The following MYH9 variants were observed in gnomAD, a reference collection of about 807,000 sequenced individuals.
The protein encoded by MYH9 is myosin-9.
MYH9 carries 29 observed loss-of-function variants against 241.9 expected under a neutral mutation model. The ratio of observed to expected loss-of-function variants is 0.12; its 90% CI spans 0.09 to 0.16. The LOEUF (loss-of-function observed/expected upper bound fraction) is 0.16. Ranked by LOEUF, MYH9 falls within the 10% of genes least tolerant of loss-of-function variation. The pLI, the probability that MYH9 is intolerant of heterozygous loss-of-function variation, is 1.00. For missense variants in MYH9, 1,803 were observed against 2,595.5 expected, an observed-to-expected ratio of 0.69 and a Z score of 6.63; for synonymous variants, 1,047 against 1,062.6, an observed-to-expected ratio of 0.99 and a Z score of 0.29.
At chr22:36,313,281 C>A (rs894486409) in intron 13 of MYH9, among the ~76,000 whole-genome samples, 11 of 151,198 alleles carry the variant, frequency 7.3e-5, no homozygotes, top group African/African-American at 2.7e-4. Flanking sequence ...GAAACTCCGC[C>A]TCCACTAAAA....
At chr22:36,314,345 G>C (rs2017115748) in intron 12 of MYH9, 27 bp from the exon 13 acceptor site, 1 of 1,613,338 alleles carries the variant, frequency 6.2e-7, no homozygotes, top group Middle Eastern at 1.8e-4. Flanking sequence ...CAATGTCAGA[G>C]AGACGCCAAC....
intron 30 of MYH9, 136 bp from the exon 31 acceptor site, chr22:36,292,370 C>T: frequency 8.6e-7 from 1 of 1,158,658 alleles, no homozygotes; most frequent in Non-Finnish European, 1.3e-6. Context: ...ATGAAACCGC[C>T]TCCCCCAGTC....
chr22:36,350,176 C>A (rs2017743514), intron 1 of MYH9, among the ~76,000 whole-genome samples: 1 of 152,212 alleles, frequency 6.6e-6, no homozygotes, highest in Admixed American at 6.5e-5. Flanking sequence ...GTGACCCTCA[C>A]AATTCATGAG....
intron 6 of MYH9, 74 bp downstream of exon 6, chr22:36,322,355 G>A: frequency 6.6e-7 from 1 of 1,522,212 alleles, no homozygotes. Context: ...GGGCACCCAG[G>A]AAAAGGCAGC....
Position 36,322,486 on chromosome 22 carries a change from G to A in MYH9, c.648C>T (p.Pro216=), listed in dbSNP as rs1469344989. 3 of 1,613,676 alleles carry A rather than the reference G, an allele frequency of 1.9e-6. No homozygotes were observed. The highest frequency in any genetic ancestry group is 2.2e-5 in the East Asian group (1 of 44,902). Residue 216 remains proline, a synonymous_variant, in exon 6 of 41, where the codon CCC becomes CCT. Coordinates refer to ENST00000216181, the MANE Select transcript of MYH9 (RefSeq NM_002473.6). ...TGGCGTTCCCGAAGGCCTCCAGGAT[G>A]GGGTTGGCCTGCAGCAGCTGCCGCT... The part of the protein sequence containing the change: ...ELERQLLQAN[P]ILEAFGNAKT...
intron 15 of MYH9, among the ~76,000 whole-genome samples, chr22:36,307,886 C>G (rs1311029805): frequency 6.8e-6 from 1 of 147,322 alleles, no homozygotes; most frequent in Non-Finnish European, 1.5e-5. Context: ...AAAACTCTGT[C>G]TCAAAAAAAA....
chr22:36,292,266 GAGAT>G (rs1054330054), intron 30 of MYH9, 32 bp from the exon 31 acceptor site: 5 of 1,612,352 alleles, frequency 3.1e-6, no homozygotes. Context: ...GCAGATGCCC[GAGAT>G]GGCACCTGCT....
intron 3 of MYH9, among the ~76,000 whole-genome samples, chr22:36,332,661 TAAAAAAAAAAAA>T (rs67602880): frequency 2.0e-4 from 9 of 44,508 alleles, no homozygotes; most frequent in African/African-American, 4.0e-4. Context: ...TCTGGATAAT[TAAAAAAAAAAAA>T]AAAAAAAAAA....
intron 24 of MYH9, 156 bp from the exon 25 acceptor site, chr22:36,297,170 G>C: frequency 1.2e-6 from 1 of 806,546 alleles, no homozygotes. Flanking sequence ...CTGGATGCAG[G>C]AAGAGGACAT....
Position 36,382,645 on chromosome 22 carries a change from A to C in MYH9, c.-20+5162T>G, listed in dbSNP as rs180962397. 3.3e-5 allele frequency among the ~76,000 whole-genome samples: 5 copies of C among 151,946 alleles called. No homozygotes were observed. The East Asian group carries it at 9.7e-4, about 29-fold the overall frequency. On this transcript the variant is annotated intron_variant, in intron 1 of 40. Coordinates refer to ENST00000216181, the MANE Select transcript of MYH9 (RefSeq NM_002473.6). ...TGGTGAAACCCCATCTCTACTAAAA[A>C]TGCAAAAACTAGCCGGGTGTGGTGG... is the stretch of plus-strand genomic sequence containing the variant.
At position 36,384,924 on chromosome 22, in the gene MYH9, A is replaced by G. The variant is rs564953684; in HGVS notation, c.-20+2883T>C. 6.4e-4 allele frequency among the ~76,000 whole-genome samples: 98 copies of G among 152,048 alleles called. 1 individual carries two copies. The South Asian group carries it at 0.019, about 30-fold the overall frequency. The stretch of plus-strand genomic sequence containing the variant: ...ACAGCAGCAGCACTGCCAGGGCTCC[A>G]TTCTTTTGTCAGCAGAGGACTCCAG... On this transcript the variant is annotated intron_variant, in intron 1 of 40. Transcript: ENST00000216181.
intron 1 of MYH9, among the ~76,000 whole-genome samples, chr22:36,377,284 G>A (rs1023014387): frequency 6.6e-5 from 10 of 152,088 alleles, no homozygotes; most frequent in Admixed American, 1.3e-4. Flanking sequence ...CAAATGCCTC[G>A]TTCTTATGTT....
At chr22:36,298,759 TGA>T (rs962668630) in intron 24 of MYH9, among the ~76,000 whole-genome samples, 158 bp downstream of exon 24, 32 of 152,176 alleles carry the variant, frequency 2.1e-4, no homozygotes, top group African/African-American at 7.5e-4. Context: ...CTCGACCTGG[TGA>T]CCTCAGGTCT....
At chr22:36,348,531 A>G (rs927720083) in intron 2 of MYH9, among the ~76,000 whole-genome samples, 1 of 151,380 alleles carries the variant, frequency 6.6e-6, no homozygotes, top group African/African-American at 2.4e-5. Context: ...AAATTAAATT[A>G]AATTAAATTA....
In MYH9 at chr22:36,289,099, C is replaced by T. The variant is rs141750518; in HGVS notation, c.4543G>A (p.Asp1515Asn). The change falls in exon 32 of 41, where the codon GAT (aspartate) becomes AAT (asparagine). Residue 1515 changes from aspartate (D) to asparagine (N), a missense_variant. Physicochemically the swap from Asp to Asn is conservative, Grantham distance 23. Transcript: ENST00000216181. Reference sequence around the variant, plus strand: ...CCAGGACTCACACTCTTGCCCACATCATCCTTGGAGCTCATAAGGTCCTCC... The same window carrying T: ...CCAGGACTCACACTCTTGCCCACATTATCCTTGGAGCTCATAAGGTCCTCC... ...EMEDLMSSKD[D>N]VGKSVHELEK... is the part of the protein sequence containing the mutation. 5.0e-6 allele frequency: 8 copies of T among 1,614,038 alleles called. No homozygotes were observed. The African/African-American group carries it at 1.1e-4, about 22-fold the overall frequency.
rs67602880 is a variant in MYH9 at position 36,332,661 on chromosome 22, T to TAAAAAAA, written c.491-5180_491-5174dup. Among the ~76,000 whole-genome samples, 57 of 44,506 alleles carry TAAAAAAA rather than the reference T, an allele frequency of 1.3e-3. 3 individuals are homozygous for TAAAAAAA. The highest frequency in any genetic ancestry group is 5.0e-3 in the African/African-American group (50 of 10,074). 29.2% of individuals were successfully genotyped at this position (44,506 alleles called of 152,430 possible). A position where few individuals can be genotyped will look rare whatever the true frequency, so the allele number is the denominator to read the frequency against. On this transcript the variant is annotated intron_variant, in intron 3 of 40. Transcript: ENST00000216181. ...TCCCCCTCCAGACACTCTGGATAAT[T>TAAAAAAA]AAAAAAAAAAAAAAAAAAAAAAAAA... is the stretch of plus-strand genomic sequence containing the variant.
intron 2 of MYH9, among the ~76,000 whole-genome samples, chr22:36,343,548 T>TAAAAA (rs5845270): frequency 8.0e-6 from 1 of 125,016 alleles, no homozygotes; most frequent in Non-Finnish European, 1.6e-5. Flanking sequence ...ACCCTGCTCT[T>TAAAAA]AAAAAAAAAA....
Position 36,320,155 on chromosome 22 carries a change from CCCG to C in MYH9, c.1012+62_1012+64del. ...CCAGGCCCATCGGCTACCCTGATGC[CCCG>C]AGGCCGTGGGTACCAGCCTTCCTCT... On this transcript the variant is annotated intron_variant, in intron 9 of 40. Transcript: ENST00000216181. This position sits in a 1 kb window ranked among gnomAD's most constrained non-coding sequence, Gnocchi z 4.8. 6.4e-7 allele frequency: 1 copy of C among 1,554,558 alleles called. No individual in the cohort carries two copies. Among genetic ancestry groups the C allele is most frequent in the African/African-American group, 1.6e-5 (1 of 61,220 alleles).
At chr22:36,364,024 T>C (rs565326632) in intron 1 of MYH9, among the ~76,000 whole-genome samples, 1 of 152,296 alleles carries the variant, frequency 6.6e-6, no homozygotes, top group African/African-American at 2.4e-5. Context: ...ATAACCATAC[T>C]CAGAAGATGT....
Sources: allele counts gnomAD v4.1 joint callset (sites outside exome capture counted in the v4.1 genomes callset), GRCh38; gene constraint gnomAD v4.1.1; non-coding constraint Gnocchi (gnomAD v3.1); transcripts MANE v1.5; gene names NCBI Gene and HGNC (gene_info 2026-07-23, HGNC 2026-07-21).